TPO: variants seen among roughly 807,000 people sequenced by gnomAD.
TPO encodes thyroid peroxidase.
In TPO, 78 loss-of-function variants were observed where a neutral mutation model predicts 96.9. The ratio of observed to expected loss-of-function variants is 0.81; its 90% CI spans 0.67 to 0.97. TPO has a LOEUF of 0.97. Ranked by LOEUF, TPO falls within the 50% of genes least tolerant of loss-of-function variation. The pLI, the probability that TPO is intolerant of heterozygous loss-of-function variation, is 0.00. For missense variants in TPO, 1,252 were observed against 1,274.8 expected, an observed-to-expected ratio of 0.98 and a Z score of 0.27; for synonymous variants, 547 against 538.0, an observed-to-expected ratio of 1.02 and a Z score of -0.23.
chr2:1,395,353 CTTTAG>C (rs534878787), intron 1 of TPO, among the ~76,000 whole-genome samples: 56 of 152,296 alleles, frequency 3.7e-4, no homozygotes, highest in African/African-American at 1.3e-3. Context: ...AATATTCTTC[CTTTAG>C]TTTAAAGAAT....
chr2:1,516,098 G>C (rs988115043), intron 14 of TPO, among the ~76,000 whole-genome samples: 11 of 152,002 alleles, frequency 7.2e-5, no homozygotes, highest in African/African-American at 2.7e-4. Flanking sequence ...GAAGCCAAGG[G>C]CTGGAGCCCA....
At chr2:1,436,071 G>T (rs966144724) in intron 4 of TPO, among the ~76,000 whole-genome samples, 181 bp from the exon 5 acceptor site, 2 of 152,168 alleles carry the variant, frequency 1.3e-5, no homozygotes, top group Non-Finnish European at 2.9e-5. Context: ...AAGCTCAAGG[G>T]AATTAAATGA....
chr2:1,420,192 A>G (rs936036075), intron 2 of TPO, among the ~76,000 whole-genome samples: 21 of 152,248 alleles, frequency 1.4e-4, no homozygotes, highest in African/African-American at 4.8e-4. Context: ...TAAGCAACAT[A>G]TGATCAGTTA....
At chr2:1,383,085 A>G (rs897588312) in intron 1 of TPO, among the ~76,000 whole-genome samples, 6 of 152,052 alleles carry the variant, frequency 3.9e-5, no homozygotes, top group Admixed American at 2.0e-4. Flanking sequence ...ATAGTATTCC[A>G]TGGTGTATAT....
intron 10 of TPO, among the ~76,000 whole-genome samples, chr2:1,492,629 T>C (rs1275166411): frequency 6.6e-6 from 1 of 152,160 alleles, no homozygotes; most frequent in Admixed American, 6.5e-5. Flanking sequence ...CCCAGTTCTG[T>C]TTGGTCTAAA....
chr2:1,467,501 G>T (rs544871451), intron 7 of TPO, among the ~76,000 whole-genome samples: 8 of 152,280 alleles, frequency 5.3e-5, no homozygotes, highest in African/African-American at 1.2e-4. Context: ...GATTTTGAAG[G>T]TTCCTTTTGG....
intron 5 of TPO, among the ~76,000 whole-genome samples, chr2:1,449,368 G>A (rs1045167268): frequency 6.6e-6 from 1 of 151,938 alleles, no homozygotes; most frequent in Non-Finnish European, 1.5e-5. Flanking sequence ...ATTCACATTC[G>A]TAGTCACCTT....
At chr2:1,524,297 T>TC in intron 15 of TPO, among the ~76,000 whole-genome samples, 1 of 115,952 alleles carries the variant, frequency 8.6e-6, no homozygotes, top group African/African-American at 3.4e-5. Flanking sequence ...CCTCCTCAAA[T>TC]CCCCACACTG....
chr2:1,503,489 G>A (rs375251789), intron 13 of TPO, among the ~76,000 whole-genome samples: 5 of 152,338 alleles, frequency 3.3e-5, no homozygotes, highest in South Asian at 2.1e-4. Flanking sequence ...AGGAGCAGGA[G>A]GGGACCCCAC....
intron 5 of TPO, among the ~76,000 whole-genome samples, chr2:1,447,260 A>G (rs1666913634): frequency 6.6e-6 from 1 of 152,194 alleles, no homozygotes; most frequent in African/African-American, 2.4e-5. Flanking sequence ...CACCTGCACG[A>G]TGAAACCTTG....
At chr2:1,465,711 G>A (rs28911173) in intron 7 of TPO, among the ~76,000 whole-genome samples, 5,988 of 152,152 alleles carry the variant, frequency 0.039, 167 homozygotes, top group Middle Eastern at 0.16. Flanking sequence ...TGCTGTTGGC[G>A]TATAGAAGAG....
intron 1 of TPO, among the ~76,000 whole-genome samples, chr2:1,397,512 T>G (rs576445603): frequency 6.6e-6 from 1 of 152,286 alleles, no homozygotes; most frequent in Non-Finnish European, 1.5e-5. Flanking sequence ...TCTCAAAGTT[T>G]GTAGCTCCAG....
At chr2:1,533,116 C>T (rs1332160867) in intron 15 of TPO, among the ~76,000 whole-genome samples, 1 of 140,008 alleles carries the variant, frequency 7.1e-6, no homozygotes, top group Non-Finnish European at 1.5e-5. Context: ...TGTGCAACCT[C>T]CCCAAATCCC....
chr2:1,435,296 C>G (rs1018834641), intron 4 of TPO, among the ~76,000 whole-genome samples: 2 of 152,218 alleles, frequency 1.3e-5, no homozygotes, highest in Admixed American at 1.3e-4. Flanking sequence ...GCATTCCTGT[C>G]AAGAAGAATC....
At chr2:1,497,468 G>C (rs1672474358) in intron 13 of TPO, among the ~76,000 whole-genome samples, 1 of 152,204 alleles carries the variant, frequency 6.6e-6, no homozygotes, top group Non-Finnish European at 1.5e-5. Context: ...CCATCTGACT[G>C]TTCTGAGGCA....
At chr2:1,447,062 C>A (rs996117720) in intron 5 of TPO, among the ~76,000 whole-genome samples, 7 of 152,112 alleles carry the variant, frequency 4.6e-5, no homozygotes, top group Admixed American at 2.6e-4. Context: ...TCTGAATTGA[C>A]CCCTCCTGTT....
At chr2:1,412,358 G>A (rs901856197), upstream of TPO, among the ~76,000 whole-genome samples, 4 of 152,096 alleles carry the variant, frequency 2.6e-5, no homozygotes, top group African/African-American at 7.2e-5. Flanking sequence ...ATGAGCCACC[G>A]AGTCTGGTCC....
In TPO at chr2:1,518,032, C is replaced by T. The variant is rs28913021; in HGVS notation, c.2618+1050C>T. ...CTGCAGTCACCTTCGCCCTCCACCC[C>T]GGCCTTCAGAGCTCCTCACTGGCGG... On this transcript the variant is annotated intron_variant, in intron 15 of 16. Transcript: ENST00000329066. 7.9e-3 allele frequency among the ~76,000 whole-genome samples: 1,207 copies of T among 152,230 alleles called. 21 individuals are homozygous for T. The highest frequency in any genetic ancestry group is 0.027 in the African/African-American group (1,131 of 41,526).
In TPO at chr2:1,496,610, T is replaced by C. The variant is rs1479601776; in HGVS notation, c.2231T>C (p.Phe744Ser). The C allele has an allele frequency of 2.5e-6, 4 of 1,614,028 alleles. No homozygotes were observed. Among genetic ancestry groups the C allele is most frequent in the Non-Finnish European group, 3.4e-6 (4 of 1,180,032 alleles). ...ETFPQDDKCGFPESVENGDFV... is the reference protein window; with the variant it reads ...ETFPQDDKCGSPESVENGDFV... ...CATTTCATAGACGACAAGTGTGGCT[T>C]CCCAGAGAGCGTGGAGAATGGGGAC... The change falls in exon 13 of 17, where the codon TTC becomes TCC. Residue 744 changes from phenylalanine (F) to serine (S), a missense_variant. Coordinates refer to ENST00000329066, the MANE Select transcript of TPO (RefSeq NM_001206744.2).
Sources: allele counts gnomAD v4.1 joint callset (sites outside exome capture counted in the v4.1 genomes callset), GRCh38; gene constraint gnomAD v4.1.1; transcripts MANE v1.5; gene names NCBI Gene and HGNC (gene_info 2026-07-23, HGNC 2026-07-21).